Variants in ADAMTS19 observed in about 807,000 individuals in gnomAD.
ADAMTS19 encodes the protein ADAM metallopeptidase with thrombospondin type 1 motif 19.
ADAMTS19 carries 93 observed loss-of-function variants against 153.3 expected under a neutral mutation model. The observed-to-expected ratio is 0.61, with a 90% CI of 0.51 to 0.72. The LOEUF is 0.72. ADAMTS19 is among the 30% of genes least tolerant of loss of function. The pLI, the probability that ADAMTS19 is intolerant of heterozygous loss-of-function variation, is 0.00. For missense variants in ADAMTS19, 1,482 were observed against 1,552.1 expected (o/e 0.95, Z 0.76); for synonymous variants, 600 against 556.6 (o/e 1.08, Z -1.10).
chr5:129,551,999 A>G, intron 7 of ADAMTS19, 92 bp downstream of exon 7: 1 of 798,656 alleles, frequency 1.3e-6, no homozygotes, highest in Non-Finnish European at 1.9e-6. Context: ...TTCTGGTTAT[A>G]AAGGAATAAC....
At chr5:129,564,059 A>C (rs977206889) in intron 7 of ADAMTS19, among the ~76,000 whole-genome samples, 2 of 152,138 alleles carry the variant, frequency 1.3e-5, no homozygotes, top group Non-Finnish European at 2.9e-5. Context: ...AGCTGGCATT[A>C]CAGGCATGTG....
At position 129,665,480 on chromosome 5, in the gene ADAMTS19, GT is replaced by G; in HGVS notation, c.2426-15del. On this transcript the variant is annotated intron_variant, in intron 15 of 22. Transcript: ENST00000274487. ...TGAAGGAACTCAAGATTTATTTCAT[GT>G]TTTATTGACTCTTACAGGTTATGTA... 1 of 1,557,324 alleles carries G rather than the reference GT, an allele frequency of 6.4e-7. No individual in the cohort carries two copies. The highest frequency in any genetic ancestry group is 8.7e-7 in the Non-Finnish European group (1 of 1,143,860).
At chr5:129,496,182 T>G (rs1750923784) in intron 2 of ADAMTS19, among the ~76,000 whole-genome samples, 1 of 152,022 alleles carries the variant, frequency 6.6e-6, no homozygotes, top group Non-Finnish European at 1.5e-5. Context: ...GGGAGAATTA[T>G]CCAAGGGTTC....
chr5:129,589,476 TATACATC>T (rs1237188159), intron 7 of ADAMTS19, among the ~76,000 whole-genome samples: 1 of 152,118 alleles, frequency 6.6e-6, no homozygotes, highest in Non-Finnish European at 1.5e-5. Flanking sequence ...ATTACAACTG[TATACATC>T]ATACATTTGT....
At chr5:129,545,313 T>G (rs1220611851) in intron 6 of ADAMTS19, among the ~76,000 whole-genome samples, 1 of 152,186 alleles carries the variant, frequency 6.6e-6, no homozygotes, top group African/African-American at 2.4e-5. Flanking sequence ...TAGATCCATC[T>G]GAAGAGAGCA....
rs528344802 is a variant in ADAMTS19 at position 129,677,431 on chromosome 5, C to T, written c.2507-2333C>T. ...GGCAGAAGTTGCAGTGAGCTGAGAT[C>T]GGGCCACTGCACTCCAGCCTGGGTG... On this transcript the variant is annotated intron_variant, in intron 16 of 22. Coordinates refer to ENST00000274487, the MANE Select transcript of ADAMTS19 (RefSeq NM_133638.6). Among the ~76,000 whole-genome samples, 169 of 151,458 alleles carry T rather than the reference C, an allele frequency of 1.1e-3. 1 individual carries two copies. Among genetic ancestry groups the T allele is most frequent in the African/African-American group, 4.0e-3 (163 of 41,230 alleles).
At chr5:129,559,821 T>C (rs1753436408) in intron 7 of ADAMTS19, among the ~76,000 whole-genome samples, 1 of 152,190 alleles carries the variant, frequency 6.6e-6, no homozygotes, top group African/African-American at 2.4e-5. Context: ...AAACAACTTA[T>C]TTGATTTTTA....
At chr5:129,514,517 A>T (rs1340331839) in intron 3 of ADAMTS19, among the ~76,000 whole-genome samples, 2 of 152,002 alleles carry the variant, frequency 1.3e-5, no homozygotes, top group Admixed American at 1.3e-4. Context: ...TGTAGTTTTG[A>T]TGTGCATTTC....
chr5:129,601,992 G>A (rs1244202771), intron 8 of ADAMTS19, among the ~76,000 whole-genome samples: 2 of 152,210 alleles, frequency 1.3e-5, no homozygotes, highest in African/African-American at 4.8e-5. Context: ...AGGACTTAGA[G>A]GTTACTTCCA....
At chr5:129,610,093 T>TTATATATA (rs10618467) in intron 8 of ADAMTS19, among the ~76,000 whole-genome samples, 4 of 150,158 alleles carry the variant, frequency 2.7e-5, no homozygotes, top group African/African-American at 7.4e-5. Flanking sequence ...GGTAGTGGTA[T>TTATATATA]TATATATATA....
intron 16 of ADAMTS19, among the ~76,000 whole-genome samples, chr5:129,667,177 A>ATGAGGAGC (rs1754091395): frequency 6.6e-6 from 1 of 152,112 alleles, no homozygotes; most frequent in South Asian, 2.1e-4. Context: ...ATTTCATTAA[A>ATGAGGAGC]CACTTATAGG....
At chr5:129,636,921 A>T (rs1027814214) in intron 10 of ADAMTS19, among the ~76,000 whole-genome samples, 12 of 152,158 alleles carry the variant, frequency 7.9e-5, no homozygotes, top group Non-Finnish European at 1.8e-4. Flanking sequence ...TTTGGGGCAG[A>T]TCTATAGAAG....
chr5:129,669,315 T>C (rs1754194567), intron 16 of ADAMTS19, among the ~76,000 whole-genome samples: 1 of 152,110 alleles, frequency 6.6e-6, no homozygotes, highest in African/African-American at 2.4e-5. Flanking sequence ...ATTTATGATT[T>C]CTCTTTCTTC....
At chr5:129,633,814 G>A (rs1752414568) in intron 10 of ADAMTS19, among the ~76,000 whole-genome samples, 1 of 152,150 alleles carries the variant, frequency 6.6e-6, no homozygotes, top group Admixed American at 6.6e-5. Flanking sequence ...TGTAGTGCGT[G>A]TTGTGTATGT....
chr5:129,624,050 C>T (rs1305990935), intron 10 of ADAMTS19, among the ~76,000 whole-genome samples: 1 of 135,610 alleles, frequency 7.4e-6, no homozygotes, highest in East Asian at 2.4e-4. Flanking sequence ...TGGTGTGAAC[C>T]TGGGAGGTGG....
chr5:129,516,611 T>A (rs1751620423), intron 3 of ADAMTS19, among the ~76,000 whole-genome samples: 2 of 151,932 alleles, frequency 1.3e-5, no homozygotes, highest in South Asian at 4.1e-4. Context: ...CTACTAATGA[T>A]CCTTTGAATT....
chr5:129,671,278 A>G (rs1485347369), intron 16 of ADAMTS19, among the ~76,000 whole-genome samples: 3 of 152,142 alleles, frequency 2.0e-5, no homozygotes, highest in African/African-American at 7.2e-5. Context: ...CTTGCTGAAA[A>G]ATAGATGTGA....
At chr5:129,549,633 T>C (rs1752992802) in intron 6 of ADAMTS19, among the ~76,000 whole-genome samples, 3 of 151,528 alleles carry the variant, frequency 2.0e-5, no homozygotes. Flanking sequence ...CTTTTGTCAG[T>C]ACAATGTAAA....
chr5:129,584,618 A>G (rs1421741852), intron 7 of ADAMTS19, among the ~76,000 whole-genome samples: 2 of 152,184 alleles, frequency 1.3e-5, no homozygotes, highest in African/African-American at 4.8e-5. Flanking sequence ...CTAGAGAGCC[A>G]GTCTGGCTAC....
Sources: allele counts gnomAD v4.1 joint callset (sites outside exome capture counted in the v4.1 genomes callset), GRCh38; gene constraint gnomAD v4.1.1; transcripts MANE v1.5; gene names NCBI Gene and HGNC (gene_info 2026-07-23, HGNC 2026-07-21).